The following PRMT2 variants were observed in gnomAD, a reference collection of about 807,000 sequenced individuals.
The protein encoded by PRMT2 is protein arginine methyltransferase 2.
In PRMT2, 26 loss-of-function variants were observed where a neutral mutation model predicts 57.6. The observed-to-expected ratio is 0.45, with a 90% CI of 0.33 to 0.63. The LOEUF (loss-of-function observed/expected upper bound fraction) is 0.63, where lower values mean the gene tolerates loss of function less well. PRMT2 is among the 20% of genes least tolerant of loss of function. The pLI is 0.02. For synonymous variants in PRMT2, 219 were observed against 220.0 expected, an observed-to-expected ratio of 1.00 and a Z score of 0.04; for missense variants, 472 against 564.4, an observed-to-expected ratio of 0.84 and a Z score of 1.66.
intron 11 of PRMT2, 42 bp from the exon 12 acceptor site, chr21:46,664,253 G>A: frequency 6.7e-7 from 1 of 1,488,582 alleles, no homozygotes. Flanking sequence ...TTAATCAAAT[G>A]ATTTATCATC....
chr21:46,642,085 G>A (rs1335600218), intron 3 of PRMT2, among the ~76,000 whole-genome samples: 1 of 152,228 alleles, frequency 6.6e-6, no homozygotes, highest in Admixed American at 6.5e-5. Flanking sequence ...AGTGTGGGAA[G>A]ATTGGTGGTT....
chr21:46,648,754 C>G lies in PRMT2; in HGVS notation c.489+135C>G. 8.7e-7 allele frequency: 1 copy of G among 1,144,666 alleles called. No individual in the cohort carries two copies. The highest frequency in any genetic ancestry group is 1.5e-5 in the South Asian group (1 of 68,528). 70.9% of individuals were successfully genotyped at this position (1,144,666 alleles called of 1,614,324 possible). A position where few individuals can be genotyped will look rare whatever the true frequency, so the allele number is the denominator to read the frequency against. ...TGACTCCATGGTCTTGTTGAGCACC[C>G]TGCACGTGGGGCTCAGGGTCGGTAA... On this transcript the variant is annotated intron_variant, in intron 6 of 11. Transcript: ENST00000355680. The surrounding 1 kb of genome is among the most constrained non-coding windows in gnomAD (Gnocchi z 4.8).
intron 7 of PRMT2, chr21:46,657,982 T>C (rs557042765): frequency 6.6e-6 from 1 of 152,280 alleles, no homozygotes; most frequent in Non-Finnish European, 1.5e-5. Flanking sequence ...ACAAAACATG[T>C]ATTACTTCTG....
At position 46,648,872 on chromosome 21, in the gene PRMT2, A is replaced by G. The variant is rs1436958840; in HGVS notation, c.489+253A>G. Among the ~76,000 whole-genome samples the G allele has an allele frequency of 6.6e-6, 1 of 152,202 alleles. No individual in the cohort carries two copies. Among genetic ancestry groups the G allele is most frequent in the Non-Finnish European group, 1.5e-5 (1 of 68,034 alleles). ...CAGACGGGAGTAGGGCAGAATAGAC[A>G]ATATCCCGTGAATTGCGTGGGGCGG... On this transcript the variant is annotated intron_variant, in intron 6 of 11. Coordinates refer to ENST00000355680, the MANE Select transcript of PRMT2 (RefSeq NM_206962.4). This position sits in a 1 kb window ranked among gnomAD's most constrained non-coding sequence, Gnocchi z 4.8.
intron 4 of PRMT2, 60 bp downstream of exon 4, chr21:46,643,699 A>G (rs1250859784): frequency 2.0e-6 from 3 of 1,526,598 alleles, no homozygotes; most frequent in Non-Finnish European, 2.6e-6. Flanking sequence ...TCAAAAGGAG[A>G]TAAATTTTGC....
At chr21:46,652,256 G>C in intron 7 of PRMT2, 1 of 1,342,522 alleles carries the variant, frequency 7.4e-7, no homozygotes, top group Non-Finnish European at 9.5e-7. Flanking sequence ...TGTTAGGATG[G>C]GAAAGGTTTT....
At chr21:46,663,612 C>T (rs947641241) in intron 11 of PRMT2, 58 bp downstream of exon 11, 25 of 1,563,574 alleles carry the variant, frequency 1.6e-5, no homozygotes, top group Non-Finnish European at 1.8e-5. Context: ...GGGAGACAGG[C>T]CTGGGTGGTG....
At chr21:46,661,651 T>G in intron 9 of PRMT2, 149 bp from the exon 10 acceptor site, 3 of 710,544 alleles carry the variant, frequency 4.2e-6, no homozygotes, top group Non-Finnish European at 5.8e-6. Flanking sequence ...CGATGCGGGT[T>G]TTGGGGGTGG....
rs548082301 is a variant in PRMT2, at chr21:46,643,014, A to C, written c.40-521A>C. 1.7e-4 allele frequency among the ~76,000 whole-genome samples: 25 copies of C among 147,494 alleles called. No homozygotes were observed. The South Asian group carries it at 5.4e-3, about 32-fold the overall frequency. ...TGCCCTCCAGCCTGGGCAACAGAGC[A>C]AGACTCTGTCTCAAAAAAAAAAAAA... On this transcript the variant is annotated intron_variant, in intron 3 of 11. Coordinates refer to ENST00000355680, the MANE Select transcript of PRMT2 (RefSeq NM_206962.4).
chr21:46,662,426 C>T (rs1365735353), intron 10 of PRMT2, among the ~76,000 whole-genome samples: 3 of 152,230 alleles, frequency 2.0e-5, no homozygotes, highest in African/African-American at 4.8e-5. Flanking sequence ...GGCACCTGCC[C>T]CGCTGACTTC....
At chr21:46,662,168 C>T (rs932588486) in intron 10 of PRMT2, among the ~76,000 whole-genome samples, 1 of 152,138 alleles carries the variant, frequency 6.6e-6, no homozygotes, top group African/African-American at 2.4e-5. Flanking sequence ...TGGGCCCAGC[C>T]TGGGCGTCCC....
At position 46,663,390 on chromosome 21, in the gene PRMT2, C is replaced by T; in HGVS notation, c.1105C>T (p.His369Tyr). ...CGCACCCCTGTCTTGCAGCACCACA[C>T]ACTGGAAGCAGACGCTGTTCATGAT... is the stretch of plus-strand genomic sequence containing the variant. Reference protein sequence around the residue: ...LSTGPFHPTTHWKQTLFMMDD... With the variant: ...LSTGPFHPTTYWKQTLFMMDD... The change falls in exon 11 of 12, where the codon CAC becomes TAC. Residue 369 changes from histidine to tyrosine, a missense_variant. By Grantham distance (83) the His-to-Tyr change is moderately conservative. Around this residue, in one of 2 missense-constraint regions of PRMT2, gnomAD observed 229 missense variants for 217.2 expected, o/e 1.05. Transcript: ENST00000355680. The T allele has an allele frequency of 6.2e-7, 1 of 1,611,980 alleles. No homozygotes were observed. The highest frequency in any genetic ancestry group is 8.5e-7 in the Non-Finnish European group (1 of 1,178,426).
intron 7 of PRMT2, among the ~76,000 whole-genome samples, chr21:46,650,196 G>A (rs951254371): frequency 6.6e-6 from 1 of 152,220 alleles, no homozygotes; most frequent in Admixed American, 6.5e-5. Context: ...GTGGGTGGAA[G>A]TGGACTGTTT....
chr21:46,655,190 C>T (rs1416918455), intron 7 of PRMT2, among the ~76,000 whole-genome samples: 1 of 152,112 alleles, frequency 6.6e-6, no homozygotes, highest in Non-Finnish European at 1.5e-5. Flanking sequence ...GAAGAGGGAA[C>T]ACTTCCTCAC....
At chr21:46,659,380 A>G (rs1040937176) in intron 8 of PRMT2, 12 of 986,358 alleles carry the variant, frequency 1.2e-5, no homozygotes, top group East Asian at 2.3e-4. Flanking sequence ...CTGGCAGTCT[A>G]TGTGGCAGAA....
At chr21:46,661,505 A>G in intron 9 of PRMT2, 1 of 241,714 alleles carries the variant, frequency 4.1e-6, no homozygotes, top group Non-Finnish European at 7.9e-6. Context: ...TGCTGTGGAA[A>G]GGCCCAGCCT....
chr21:46,642,740 C>G (rs547903794), intron 3 of PRMT2, among the ~76,000 whole-genome samples: 4 of 152,116 alleles, frequency 2.6e-5, no homozygotes, highest in Non-Finnish European at 4.4e-5. Context: ...ATAAAGTGAA[C>G]GGCCAGGCAT....
intron 7 of PRMT2, among the ~76,000 whole-genome samples, chr21:46,655,735 G>A (rs2061532735): frequency 6.6e-6 from 1 of 152,138 alleles, no homozygotes; most frequent in African/African-American, 2.4e-5. Context: ...TCAAAAATAT[G>A]AAAGGCTTAG....
chr21:46,648,680 G>A lies in PRMT2; in HGVS notation c.489+61G>A. Reference sequence around the variant, plus strand: ...GCCGAGGCTGGTGACGTCCGAGGTGGCCTCTGAGTGTGCTGACTTGTGACC... The same window carrying A: ...GCCGAGGCTGGTGACGTCCGAGGTGACCTCTGAGTGTGCTGACTTGTGACC... On this transcript the variant is annotated intron_variant, in intron 6 of 11. Transcript: ENST00000355680. This position sits in a 1 kb window ranked among gnomAD's most constrained non-coding sequence, Gnocchi z 4.8. 1 of 1,580,636 alleles carries A rather than the reference G, an allele frequency of 6.3e-7. No individual in the cohort carries two copies. Among genetic ancestry groups the A allele is most frequent in the Non-Finnish European group, 8.6e-7 (1 of 1,158,544 alleles).
Sources: gnomAD v4.1 joint callset for allele counts (sites outside exome capture counted in the v4.1 genomes callset) on GRCh38, gnomAD v4.1.1 for gene constraint, gnomAD v4.1.1 regional missense constraint, Gnocchi (gnomAD v3.1) non-coding constraint, MANE v1.5 for transcripts, NCBI Gene and HGNC (gene_info 2026-07-23, HGNC 2026-07-21) for gene names.